The following PRKCA variants were observed in gnomAD, a reference collection of about 807,000 sequenced individuals.
PRKCA encodes the protein protein kinase C alpha.
PRKCA carries 27 observed loss-of-function variants against 87.0 expected under a neutral mutation model. The ratio of observed to expected loss-of-function variants is 0.31; its 90% CI spans 0.23 to 0.43. PRKCA has a LOEUF of 0.43. Ranked by LOEUF, PRKCA falls within the 20% of genes least tolerant of loss-of-function variation. The pLI is 1.00. For missense variants in PRKCA, 518 were observed against 852.3 expected (o/e 0.61, Z 4.88); for synonymous variants, 329 against 311.1 (o/e 1.06, Z -0.61).
intron 2 of PRKCA, among the ~76,000 whole-genome samples, chr17:66,492,072 C>T (rs911970147): frequency 1.3e-5 from 2 of 152,168 alleles, no homozygotes; most frequent in African/African-American, 2.4e-5. Context: ...TTCTGAATTT[C>T]GAATCTTCAA....
At chr17:66,632,268 T>C (rs943202624) in intron 3 of PRKCA, among the ~76,000 whole-genome samples, 1 of 152,246 alleles carries the variant, frequency 6.6e-6, no homozygotes, top group African/African-American at 2.4e-5. Flanking sequence ...CATTTTACTT[T>C]CATGTCTGAA....
intron 8 of PRKCA, among the ~76,000 whole-genome samples, chr17:66,701,291 GTCAAC>G (rs1176910612): frequency 1.3e-5 from 2 of 152,070 alleles, no homozygotes; most frequent in African/African-American, 4.8e-5. Flanking sequence ...ATATACAAAT[GTCAAC>G]TCAAAATGGA....
chr17:66,640,330 A>G (rs1255055275), intron 3 of PRKCA, among the ~76,000 whole-genome samples: 1 of 152,144 alleles, frequency 6.6e-6, no homozygotes, highest in African/African-American at 2.4e-5. Flanking sequence ...TTTCTTCCCT[A>G]TCCATAATCT....
intron 4 of PRKCA, 51 bp downstream of exon 4, chr17:66,641,517 C>T: frequency 1.4e-6 from 2 of 1,398,686 alleles, no homozygotes; most frequent in South Asian, 1.3e-5. Flanking sequence ...AGCTCATGCT[C>T]AGGGTTTGCT....
At chr17:66,347,177 A>C (rs72843901) in intron 2 of PRKCA, among the ~76,000 whole-genome samples, 6,858 of 152,326 alleles carry the variant, frequency 0.045, 217 homozygotes, top group Admixed American at 0.076. Context: ...CCCTTTATAC[A>C]GTTACACAAA....
At chr17:66,780,022 G>A (rs1975166265) in intron 14 of PRKCA, among the ~76,000 whole-genome samples, 2 of 152,222 alleles carry the variant, frequency 1.3e-5, no homozygotes, top group Admixed American at 6.5e-5. Flanking sequence ...CAACGCCAGG[G>A]CCTGAGAGCG....
At chr17:66,470,702 A>G (rs542735551) in intron 2 of PRKCA, among the ~76,000 whole-genome samples, 2 of 152,330 alleles carry the variant, frequency 1.3e-5, no homozygotes, top group East Asian at 3.9e-4. Context: ...CCCTTTTGAA[A>G]GGGTCTTGAA....
chr17:66,717,612 A>G (rs1182885390), intron 8 of PRKCA, among the ~76,000 whole-genome samples: 1 of 152,230 alleles, frequency 6.6e-6, no homozygotes, highest in East Asian at 1.9e-4. Flanking sequence ...AGATGGGGCA[A>G]CCTTAGCACA....
At chr17:66,666,832 C>A (rs189950582) in intron 5 of PRKCA, among the ~76,000 whole-genome samples, 3 of 152,012 alleles carry the variant, frequency 2.0e-5, no homozygotes, top group Admixed American at 6.6e-5. Context: ...TTTGAATCCC[C>A]CCCCCACACA....
intron 5 of PRKCA, among the ~76,000 whole-genome samples, chr17:66,680,162 C>G (rs1972450764): frequency 6.6e-6 from 1 of 152,158 alleles, no homozygotes; most frequent in Non-Finnish European, 1.5e-5. Flanking sequence ...ACTTACCTGC[C>G]CTTCCACCAA....
At chr17:66,442,840 T>G (rs908750756) in intron 2 of PRKCA, among the ~76,000 whole-genome samples, 1 of 152,216 alleles carries the variant, frequency 6.6e-6, no homozygotes, top group Non-Finnish European at 1.5e-5. Flanking sequence ...GACACACTTT[T>G]CTCTCTTTTG....
intron 2 of PRKCA, among the ~76,000 whole-genome samples, chr17:66,346,349 G>A (rs901087343): frequency 6.6e-6 from 1 of 151,648 alleles, no homozygotes; most frequent in Non-Finnish European, 1.5e-5. Context: ...TGCCCACCTT[G>A]GCCTCCCAAA....
chr17:66,553,488 TTAACTC>T (rs1376521817), intron 3 of PRKCA, among the ~76,000 whole-genome samples: 4 of 152,226 alleles, frequency 2.6e-5, no homozygotes, highest in African/African-American at 9.6e-5. Flanking sequence ...GGTAAAGAGC[TTAACTC>T]TTATCCTCTT....
chr17:66,612,451 A>G (rs1167992501), intron 3 of PRKCA, among the ~76,000 whole-genome samples: 8 of 151,866 alleles, frequency 5.3e-5, no homozygotes, highest in Non-Finnish European at 1.2e-4. Flanking sequence ...CATTATTAAC[A>G]GTTTGATTGA....
At chr17:66,319,370 C>T (rs2143201479) in intron 2 of PRKCA, among the ~76,000 whole-genome samples, 1 of 152,248 alleles carries the variant, frequency 6.6e-6, no homozygotes, top group African/African-American at 2.4e-5. Context: ...CGTTTGTGCA[C>T]AAGTTGTTTT....
rs527622687 is a variant in PRKCA, at chr17:66,362,377, A to G, written c.205+56250A>G. 2.2e-4 allele frequency among the ~76,000 whole-genome samples: 34 copies of G among 152,194 alleles called. 1 individual carries two copies. In the South Asian group the frequency reaches 6.4e-3, roughly 29 times the overall value. ...TTTCTCACCTGTACCTTTTAGTGCC[A>G]CTTCCTCTGAGCAGACTCTCCCACT... On this transcript the variant is annotated intron_variant, in intron 2 of 16. Coordinates refer to ENST00000413366, the MANE Select transcript of PRKCA (RefSeq NM_002737.3).
At chr17:66,403,625 G>T (rs1911167982) in intron 2 of PRKCA, 1 of 152,192 alleles carries the variant, frequency 6.6e-6, no homozygotes, top group African/African-American at 2.4e-5. Flanking sequence ...CTAGCTCCCT[G>T]CAGGAGGGCA....
At chr17:66,538,675 A>G (rs10512512) in intron 3 of PRKCA, among the ~76,000 whole-genome samples, 23,050 of 152,244 alleles carry the variant, frequency 0.15, 1,795 homozygotes, top group South Asian at 0.21. Flanking sequence ...AGTAAATGGC[A>G]GCTGTTTTTA....
chr17:66,638,571 T>C (rs1015219138), intron 3 of PRKCA, among the ~76,000 whole-genome samples: 13 of 152,168 alleles, frequency 8.5e-5, no homozygotes, highest in African/African-American at 3.1e-4. Flanking sequence ...TTCTCAAATC[T>C]GTGTCTTTAA....
Sources: allele counts gnomAD v4.1 joint callset (sites outside exome capture counted in the v4.1 genomes callset), GRCh38; gene constraint gnomAD v4.1.1; transcripts MANE v1.5; gene names NCBI Gene and HGNC (gene_info 2026-07-23, HGNC 2026-07-21).